The following MPND variants were observed in gnomAD, a reference collection of about 807,000 sequenced individuals.
The protein encoded by MPND is MPN domain-containing protein.
MPND carries 56 observed loss-of-function variants against 59.2 expected under a neutral mutation model. The ratio of observed to expected loss-of-function variants is 0.95; its 90% confidence interval spans 0.76 to 1.18. The LOEUF is 1.18. Ranked by LOEUF, MPND falls within the 50% of genes most tolerant of loss-of-function variation. The pLI, the probability that MPND is intolerant of heterozygous loss-of-function variation, is 0.00. For missense variants in MPND, 671 were observed against 676.0 expected (o/e 0.99, Z 0.08); for synonymous variants, 323 against 291.9 (o/e 1.11, Z -1.09).
intron 3 of MPND, among the ~76,000 whole-genome samples, chr19:4,351,591 G>A (rs978498647): frequency 1.4e-4 from 21 of 152,138 alleles, no homozygotes; most frequent in Admixed American, 7.2e-4. Flanking sequence ...GGCCGGGCAC[G>A]GTGGCTCACG....
intron 4 of MPND, 53 bp downstream of exon 4, chr19:4,353,082 G>A: frequency 1.5e-6 from 2 of 1,297,232 alleles, no homozygotes; most frequent in Non-Finnish European, 2.0e-6. Context: ...GCTCGGGTTG[G>A]GGAGGAGACT....
chr19:4,354,347 T>C lies in MPND; in HGVS notation c.773T>C (p.Val258Ala). 6.4e-7 allele frequency: 1 copy of C among 1,560,602 alleles called. No homozygotes were observed. The highest frequency in any genetic ancestry group is 1.4e-5 in the African/African-American group (1 of 73,778). The stretch of plus-strand genomic sequence containing the variant: ...AGGAACCCCCACACCCTGGTGGAAG[T>C]AACATCCTTTGCAGCCATCAACAAG... Reference protein sequence around the residue: ...LARNPHTLVEVTSFAAINKFQ... With the variant: ...LARNPHTLVEATSFAAINKFQ... Residue 258 changes from valine (V) to alanine (A), a missense_variant, in exon 6 of 13, where the codon GTA becomes GCA. Transcript: ENST00000599840.
chr19:4,353,878 G>C (rs1006827526), intron 4 of MPND, 167 bp from the exon 5 acceptor site: 1 of 588,694 alleles, frequency 1.7e-6, no homozygotes, highest in African/African-American at 1.9e-5. Flanking sequence ...ACTCAGGCTG[G>C]AGTGCAGTGG....
In MPND at chr19:4,357,417, C is replaced by T. The variant is rs1004908680; in HGVS notation, c.1161C>T (p.Leu387=). 1.2e-6 allele frequency: 2 copies of T among 1,612,100 alleles called. No individual in the cohort carries two copies. The highest frequency in any genetic ancestry group is 1.3e-5 in the African/African-American group (1 of 75,070). ...GCTTCCAGCCCTGCCTCGCCCTGCT[C>T]TGCTGTACGCGGGATGGGGCTGTGG... ...SNGFQPCLAL[L]CSPYYSGNPG... is the part of the protein sequence containing the mutation. Residue 387 remains leucine, a synonymous_variant, in exon 9 of 13, where the codon CTC becomes CTT. Coordinates refer to ENST00000599840, the MANE Select transcript of MPND (RefSeq NM_001300862.2).
intron 3 of MPND, among the ~76,000 whole-genome samples, chr19:4,352,569 A>C (rs1167156729): frequency 6.6e-6 from 1 of 152,188 alleles, no homozygotes; most frequent in Non-Finnish European, 1.5e-5. Context: ...CTGTAACCCC[A>C]GCTACTCAGG....
intron 5 of MPND, 86 bp from the exon 6 acceptor site, chr19:4,354,238 G>C (rs1972383059): frequency 6.7e-7 from 1 of 1,493,802 alleles, no homozygotes; most frequent in Admixed American, 1.9e-5. Flanking sequence ...CAGATCCTCA[G>C]AGCTGTGGGG....
intron 6 of MPND, 61 bp from the exon 7 acceptor site, chr19:4,354,888 C>T: frequency 2.0e-6 from 3 of 1,483,824 alleles, no homozygotes; most frequent in Non-Finnish European, 2.7e-6. Flanking sequence ...CACAGGCTGG[C>T]TCCAGTGTTG....
At chr19:4,348,751 G>C (rs1397251842) in intron 3 of MPND, 1 of 151,576 alleles carries the variant, frequency 6.6e-6, no homozygotes, top group African/African-American at 2.4e-5. Flanking sequence ...TCTGCCTCCC[G>C]GATTCAAGCC....
chr19:4,359,917 T>A lies in MPND; in HGVS notation c.1421T>A (p.Ile474Asn). 1.5e-5 allele frequency: 23 copies of A among 1,564,852 alleles called. No individual in the cohort carries two copies. Among genetic ancestry groups the A allele is most frequent in the Non-Finnish European group, 1.9e-5 (22 of 1,154,406 alleles). The change falls in exon 13 of 13, where the codon ATC (isoleucine) becomes AAC (asparagine). Residue 474 changes from isoleucine to asparagine, a missense_variant and splice_region_variant. By Grantham distance (149) the Ile-to-Asn change is moderately radical. Transcript: ENST00000599840. ...QEHTYLDKLKISLASRTPKDQ... is the reference protein window; with the variant it reads ...QEHTYLDKLKNSLASRTPKDQ... ...TGAGGCCCAGCCCCCTCGTTTCAGA[T>A]CTCCTTGGCCAGCAGGACGCCCAAG...
rs1468129416 is a variant in MPND, at chr19:4,354,964, C to G, written c.862C>G (p.Leu288Val). 1.9e-6 allele frequency: 3 copies of G among 1,596,592 alleles called. No individual in the cohort carries two copies. Among genetic ancestry groups the G allele is most frequent in the Non-Finnish European group, 8.5e-7 (1 of 1,170,498 alleles). Residue 288 changes from leucine (L) to valine (V), a missense_variant, in exon 7 of 13, where the codon CTG becomes GTG. Coordinates refer to ENST00000599840, the MANE Select transcript of MPND (RefSeq NM_001300862.2). ...CCTTCCCCAGGACTTCCACAGTCAC[C>G]TGACACGGAGTGAGGTCGTGGGTTA... is the stretch of plus-strand genomic sequence containing the variant. ...VLFLLDFHSH[L>V]TRSEVVGYLG...
In MPND at chr19:4,352,997, T is replaced by C. The variant is rs200976690; in HGVS notation, c.632T>C (p.Leu211Pro). 8.1e-6 allele frequency: 11 copies of C among 1,363,408 alleles called. No homozygotes were observed. The East Asian group carries it at 3.0e-4, about 38-fold the overall frequency. The allele number at this position is 1,363,408 out of a possible 1,614,324, so 84.5% of individuals were successfully genotyped here. Residue 211 changes from leucine to proline, a missense_variant, in exon 4 of 13, where the codon CTG becomes CCG. Leu to Pro is a moderately conservative substitution (Grantham distance 98). Coordinates refer to ENST00000599840, the MANE Select transcript of MPND (RefSeq NM_001300862.2). ...VSAEDKSRRP[L>P]GKSPSEPAHP... ...GCAGAGGACAAGAGTCGGAGACCAC[T>C]GGGGAAGAGCCCTTCAGAGCCTGCC...
intron 6 of MPND, 49 bp downstream of exon 6, chr19:4,354,469 G>A: frequency 6.8e-7 from 1 of 1,474,858 alleles, no homozygotes; most frequent in Non-Finnish European, 9.3e-7. Flanking sequence ...AGCCCAGTCG[G>A]TGGGCAGCGG....
intron 9 of MPND, 42 bp from the exon 10 acceptor site, chr19:4,357,473 C>A: frequency 6.2e-7 from 1 of 1,609,556 alleles, no homozygotes. Context: ...GCTGGGCCAG[C>A]CGAGCCTCCC....
intron 2 of MPND, 125 bp from the exon 3 acceptor site, chr19:4,345,620 T>C (rs1241147426): frequency 8.2e-6 from 7 of 852,190 alleles, no homozygotes; most frequent in Non-Finnish European, 1.3e-5. Context: ...GCAGCCGGCC[T>C]GAGAGGTGTT....
chr19:4,356,425 G>A (rs997032829), intron 8 of MPND, among the ~76,000 whole-genome samples: 1 of 152,124 alleles, frequency 6.6e-6, no homozygotes, highest in African/African-American at 2.4e-5. Context: ...CGCACCTGTA[G>A]TCCCATCTAT....
At chr19:4,346,040 C>T in intron 3 of MPND, 59 bp downstream of exon 3, 2 of 1,379,140 alleles carry the variant, frequency 1.5e-6, no homozygotes, top group South Asian at 2.4e-5. Context: ...GAGGGGTGCC[C>T]AGCCTGGCAC....
At chr19:4,358,268 A>G (rs1972490384) in intron 11 of MPND, 96 bp downstream of exon 11, 2 of 1,148,082 alleles carry the variant, frequency 1.7e-6, no homozygotes, top group Non-Finnish European at 1.3e-6. Flanking sequence ...TTGGGAAGCT[A>G]TGGCTGGTGG....
chr19:4,352,274 C>G (rs1332284556), intron 3 of MPND, among the ~76,000 whole-genome samples: 5 of 152,196 alleles, frequency 3.3e-5, no homozygotes, highest in African/African-American at 4.8e-5. Context: ...CAGACCTTGG[C>G]GATGACTTTG....
chr19:4,347,887 G>GTT (rs931842889), intron 3 of MPND: 28 of 152,826 alleles, frequency 1.8e-4, no homozygotes, highest in South Asian at 6.5e-4. Context: ...TCCATATTGT[G>GTT]TTTTTTTTTG....
Sources: gnomAD v4.1 joint callset for allele counts (sites outside exome capture counted in the v4.1 genomes callset) on GRCh38, gnomAD v4.1.1 for gene constraint, MANE v1.5 for transcripts, NCBI Gene and HGNC (gene_info 2026-07-23, HGNC 2026-07-21) for gene names.